The following KCNK10 variants were observed in gnomAD, a reference collection of about 807,000 sequenced individuals.
The protein encoded by KCNK10 is potassium channel subfamily K member 10.
Under a neutral mutation model 47.7 loss-of-function variants are expected in KCNK10, and 25 were observed. The observed-to-expected ratio is 0.52, with a 90% confidence interval of 0.38 to 0.73. The LOEUF (loss-of-function observed/expected upper bound fraction) is 0.73. Among genes scored for constraint, KCNK10 ranks in the 30% least tolerant of loss-of-function variants. The probability of loss-of-function intolerance (pLI) is 0.00; values close to 1 mark genes in which losing one functional copy is unlikely to be tolerated. For synonymous variants in KCNK10, 303 were observed against 285.6 expected (o/e 1.06, Z -0.61); for missense variants, 563 against 714.5 (o/e 0.79, Z 2.42).
Position 88,180,631 on chromosome 14 carries a change from C to G in KCNK10, c.*4904G>C, listed in dbSNP as rs924885165. 2.5e-6 allele frequency: 1 copy of G among 396,754 alleles called. No homozygotes were observed. Among genetic ancestry groups the G allele is most frequent in the African/African-American group, 2.1e-5 (1 of 48,578 alleles). The allele number at this position is 396,754 out of a possible 1,614,324, so 24.6% of individuals were successfully genotyped here. A position where few individuals can be genotyped will look rare whatever the true frequency, so the allele number is the denominator to read the frequency against. ...AAGAATCAAGAACACAAAGTAGATA[C>G]CAAATCTCAGGCACCTGTGAAAATG... On this transcript the variant is annotated 3_prime_UTR_variant, in exon 7 of 7. Coordinates refer to ENST00000319231, the MANE Select transcript of KCNK10 (RefSeq NM_138317.3).
intron 4 of KCNK10, 103 bp from the exon 5 acceptor site, chr14:88,192,513 TC>T: frequency 6.3e-6 from 6 of 957,124 alleles, no homozygotes; most frequent in Non-Finnish European, 9.3e-6. Context: ...TTTTAACCTT[TC>T]TCTGGTCATT....
intron 1 of KCNK10, among the ~76,000 whole-genome samples, chr14:88,274,228 C>A (rs192687938): frequency 4.6e-5 from 7 of 152,164 alleles, no homozygotes; most frequent in Admixed American, 4.6e-4. Flanking sequence ...ACACTTCTCC[C>A]TTCCCAGCAA....
At chr14:88,302,003 G>A (rs1403247463) in intron 1 of KCNK10, among the ~76,000 whole-genome samples, 1 of 152,202 alleles carries the variant, frequency 6.6e-6, no homozygotes, top group Non-Finnish European at 1.5e-5. Flanking sequence ...ACAGGAAGAT[G>A]CGTGGAATGA....
At position 88,190,931 on chromosome 14, in the gene KCNK10, A is replaced by G. The variant is rs184878227; in HGVS notation, c.868+1293T>C. On this transcript the variant is annotated intron_variant, in intron 5 of 6. Transcript: ENST00000319231. Reference sequence around the variant, plus strand: ...CAGTATTCCATGGAGAAATCAAGACACTGCTGGGATCACACGCCAAACAAG... The same window carrying G: ...CAGTATTCCATGGAGAAATCAAGACGCTGCTGGGATCACACGCCAAACAAG... Among the ~76,000 whole-genome samples, 203 of 152,108 alleles carry G rather than the reference A, an allele frequency of 1.3e-3. 1 individual carries two copies. Among genetic ancestry groups the G allele is most frequent in the African/African-American group, 4.8e-3 (198 of 41,498 alleles).
At chr14:88,309,356 CT>C (rs1397921440) in intron 1 of KCNK10, among the ~76,000 whole-genome samples, 1 of 152,172 alleles carries the variant, frequency 6.6e-6, no homozygotes, top group Non-Finnish European at 1.5e-5. Context: ...AATTCCAGCA[CT>C]TTGGGAAGCC....
chr14:88,324,925 G>C (rs566851491), upstream of KCNK10, among the ~76,000 whole-genome samples: 1 of 152,312 alleles, frequency 6.6e-6, no homozygotes, highest in East Asian at 1.9e-4. Flanking sequence ...AGGCACCCCA[G>C]GCTGGAGCCC....
intron 1 of KCNK10, among the ~76,000 whole-genome samples, chr14:88,291,640 G>A (rs1445855792): frequency 6.6e-6 from 1 of 152,158 alleles, no homozygotes; most frequent in African/African-American, 2.4e-5. Context: ...GGGCATGAGA[G>A]ATTTGTCTGA....
Position 88,278,936 on chromosome 14 carries a change from C to T in KCNK10, c.53-15385G>A, listed in dbSNP as rs10136841. 5.8e-3 allele frequency among the ~76,000 whole-genome samples: 886 copies of T among 152,284 alleles called. 9 individuals carry two copies. The highest frequency in any genetic ancestry group is 0.02 in the African/African-American group (844 of 41,554). On this transcript the variant is annotated intron_variant, in intron 1 of 6. Transcript: ENST00000319231. ...GAGATTTTTAATGGCCCCTCAGAAA[C>T]CAGTTGCACTTGGGCTGCCATGAGA...
At chr14:88,244,219 G>A (rs79113270) in intron 2 of KCNK10, among the ~76,000 whole-genome samples, 12,521 of 152,088 alleles carry the variant, frequency 0.082, 891 homozygotes, top group East Asian at 0.29. Flanking sequence ...TATAACTGAC[G>A]TTACCATTTG....
chr14:88,306,054 G>T (rs1396035101), intron 1 of KCNK10, among the ~76,000 whole-genome samples: 1 of 152,218 alleles, frequency 6.6e-6, no homozygotes, highest in Non-Finnish European at 1.5e-5. Flanking sequence ...ATGCCAAGTT[G>T]GCAGTCAGAA....
At chr14:88,324,058 T>G (rs1457501012), upstream of KCNK10, among the ~76,000 whole-genome samples, 1 of 152,126 alleles carries the variant, frequency 6.6e-6, no homozygotes, top group South Asian at 2.1e-4. Context: ...CCGCTGGTCG[T>G]TGGCTGGAAA....
At chr14:88,238,898 T>C (rs1173565874) in intron 3 of KCNK10, among the ~76,000 whole-genome samples, 3 of 152,290 alleles carry the variant, frequency 2.0e-5, no homozygotes, top group East Asian at 3.9e-4. Flanking sequence ...TTCAATACCA[T>C]TGTGCCTCAG....
intron 1 of KCNK10, among the ~76,000 whole-genome samples, chr14:88,305,867 C>G (rs1485184700): frequency 6.6e-6 from 1 of 152,144 alleles, no homozygotes; most frequent in African/African-American, 2.4e-5. Flanking sequence ...AACTGGGACC[C>G]CATGTAAACC....
Position 88,198,159 on chromosome 14 carries a change from TTGTC to T in KCNK10, c.682-5753_682-5750del, listed in dbSNP as rs138957430. Among the ~76,000 whole-genome samples, 1,424 of 152,308 alleles carry T rather than the reference TTGTC, an allele frequency of 9.3e-3. 9 individuals carry two copies. The highest frequency in any genetic ancestry group is 0.015 in the Non-Finnish European group (999 of 68,034). On this transcript the variant is annotated intron_variant, in intron 4 of 6. Transcript: ENST00000319231. ...ACTGTAATGGACGACCTTTAAATCT[TTGTC>T]AGTCAGGCATTCAGAAGGTAGGTCT...
chr14:88,258,963 C>A (rs1887036226), intron 2 of KCNK10, among the ~76,000 whole-genome samples: 1 of 152,148 alleles, frequency 6.6e-6, no homozygotes, highest in Admixed American at 6.5e-5. Flanking sequence ...ATGAGGGGTT[C>A]ACTCAATCCA....
intron 1 of KCNK10, among the ~76,000 whole-genome samples, chr14:88,271,285 C>T (rs1211113660): frequency 4.6e-5 from 7 of 152,170 alleles, no homozygotes; most frequent in Non-Finnish European, 8.8e-5. Flanking sequence ...TCCATTCTCC[C>T]ATTTGCTTTG....
intron 1 of KCNK10, chr14:88,270,832 T>C (rs780260867): frequency 1.3e-6 from 1 of 781,030 alleles, no homozygotes; most frequent in Admixed American, 1.7e-5. Context: ...CAGGTGTCAG[T>C]GTGATCACAT....
At chr14:88,229,247 A>G (rs1171700959) in intron 3 of KCNK10, among the ~76,000 whole-genome samples, 1 of 152,150 alleles carries the variant, frequency 6.6e-6, no homozygotes, top group Non-Finnish European at 1.5e-5. Context: ...CCCTTCCTCC[A>G]GCTTTCAGAG....
intron 4 of KCNK10, among the ~76,000 whole-genome samples, chr14:88,217,235 A>G (rs1186866765): frequency 6.6e-6 from 1 of 152,232 alleles, no homozygotes; most frequent in African/African-American, 2.4e-5. Context: ...ATAATATGGT[A>G]TGTACTAGGG....
Sources: allele counts gnomAD v4.1 joint callset (sites outside exome capture counted in the v4.1 genomes callset), GRCh38; gene constraint gnomAD v4.1.1; transcripts MANE v1.5; gene names NCBI Gene and HGNC (gene_info 2026-07-23, HGNC 2026-07-21).